Variants in ZNF407 observed in about 807,000 individuals in gnomAD.
ZNF407 encodes the protein zinc finger protein 407.
In ZNF407, 17 loss-of-function variants were observed where a neutral mutation model predicts 131.2. The ratio of observed to expected loss-of-function variants is 0.13; its 90% confidence interval spans 0.09 to 0.19. The LOEUF (loss-of-function observed/expected upper bound fraction) is 0.19. Ranked by LOEUF, ZNF407 falls within the 10% of genes least tolerant of loss-of-function variation. The pLI is 1.00. For missense variants in ZNF407, 2,681 were observed against 2,830.6 expected (o/e 0.95, Z 1.20); for synonymous variants, 1,156 against 1,062.0 (o/e 1.09, Z -1.72).
At chr18:74,870,440 G>C (rs186345979) in intron 4 of ZNF407, among the ~76,000 whole-genome samples, 38 of 152,238 alleles carry the variant, frequency 2.5e-4, no homozygotes, top group African/African-American at 8.2e-4. Context: ...TTCAACTTTC[G>C]TCTTGAAGCC....
intron 7 of ZNF407, among the ~76,000 whole-genome samples, chr18:74,890,319 A>G (rs1442394761): frequency 5.9e-5 from 9 of 152,152 alleles, no homozygotes; most frequent in South Asian, 2.1e-4. Flanking sequence ...CAGGTGGTCT[A>G]TGTGTTACAG....
intron 3 of ZNF407, among the ~76,000 whole-genome samples, chr18:74,752,984 G>A (rs1278616): frequency 0.98 from 149,559 of 152,016 alleles, 73,638 homozygotes; most frequent in Middle Eastern, 1. Context: ...CATTTTCATG[G>A]TATTGATTCT....
chr18:74,762,850 G>T (rs1414257230), intron 3 of ZNF407, among the ~76,000 whole-genome samples: 5 of 151,876 alleles, frequency 3.3e-5, no homozygotes, highest in Admixed American at 1.3e-4. Flanking sequence ...CCTTTCTATA[G>T]ATGTCTGAAT....
intron 3 of ZNF407, among the ~76,000 whole-genome samples, chr18:74,763,432 T>A (rs1279444222): frequency 6.6e-6 from 1 of 151,486 alleles, no homozygotes; most frequent in African/African-American, 2.4e-5. Context: ...AAAATTTCCA[T>A]GTAGTCCAAT....
intron 1 of ZNF407, among the ~76,000 whole-genome samples, chr18:74,607,903 T>C (rs1325625919): frequency 6.6e-6 from 1 of 152,234 alleles, no homozygotes. Flanking sequence ...AGTATCCCAA[T>C]CACAGGCTCT....
chr18:74,858,821 T>A (rs1263185397), intron 4 of ZNF407, among the ~76,000 whole-genome samples: 1 of 152,154 alleles, frequency 6.6e-6, no homozygotes, highest in African/African-American at 2.4e-5. Flanking sequence ...TGAAAGAAAC[T>A]GGAAAAGGAA....
At chr18:74,887,363 A>G (rs1194478100) in intron 6 of ZNF407, among the ~76,000 whole-genome samples, 1 of 152,144 alleles carries the variant, frequency 6.6e-6, no homozygotes, top group East Asian at 1.9e-4. Flanking sequence ...TGTTTGGGGT[A>G]CTATAGATGG....
At chr18:74,763,783 C>A (rs1486202634) in intron 3 of ZNF407, among the ~76,000 whole-genome samples, 2 of 143,488 alleles carry the variant, frequency 1.4e-5, no homozygotes, top group Admixed American at 1.4e-4. Flanking sequence ...GATCTCGGCT[C>A]ACTGCAAGCT....
chr18:74,827,283 C>T (rs917253417), intron 4 of ZNF407, among the ~76,000 whole-genome samples: 8 of 152,146 alleles, frequency 5.3e-5, no homozygotes, highest in African/African-American at 1.9e-4. Flanking sequence ...TGTACTTTCA[C>T]CCACTTGGTT....
intron 8 of ZNF407, among the ~76,000 whole-genome samples, chr18:74,933,384 A>G (rs1820300031): frequency 6.6e-6 from 1 of 152,144 alleles, no homozygotes. Flanking sequence ...AGAAGGTAGA[A>G]TGTTGGGTGC....
rs74815252 is a variant in ZNF407 at position 74,603,028 on chromosome 18, A to G, written c.-54+5091A>G. Among the ~76,000 whole-genome samples the G allele has an allele frequency of 1.3e-3, 200 of 152,228 alleles. 3 individuals carry two copies. The highest frequency in any genetic ancestry group is 8.4e-3 in the Admixed American group (128 of 15,298). ...AGGCTCCCAGGCAGCCCGGCAGATC[A>G]TGGGGCAGTGTAGCATTTGGAAGCA... is the stretch of plus-strand genomic sequence containing the variant. On this transcript the variant is annotated intron_variant, in intron 1 of 8. Coordinates refer to ENST00000299687, the MANE Select transcript of ZNF407 (RefSeq NM_017757.3).
At chr18:74,652,753 C>T (rs2144713411) in intron 3 of ZNF407, among the ~76,000 whole-genome samples, 1 of 151,426 alleles carries the variant, frequency 6.6e-6, no homozygotes, top group East Asian at 1.9e-4. Flanking sequence ...GCAAAACTTT[C>T]CTAAGTCAGA....
chr18:74,732,934 A>T (rs903743016), intron 3 of ZNF407, among the ~76,000 whole-genome samples: 4 of 152,168 alleles, frequency 2.6e-5, no homozygotes, highest in Non-Finnish European at 5.9e-5. Flanking sequence ...TAATCAATTT[A>T]ATTTTCTATA....
In ZNF407 at chr18:74,980,338, G is replaced by A. The variant is rs568267019; in HGVS notation, c.5428+59646G>A. On this transcript the variant is annotated intron_variant, in intron 8 of 8. Transcript: ENST00000299687. ...TTTTTGTTTTTTGAGACGGAGTTTC[G>A]CTCTTGTGGCCCAGGCTGGAGTGCA... is the stretch of plus-strand genomic sequence containing the variant. Among the ~76,000 whole-genome samples the A allele has an allele frequency of 3.3e-5, 5 of 149,858 alleles. No homozygotes were observed. In the East Asian group the frequency reaches 5.9e-4, roughly 18 times the overall value.
At chr18:74,845,652 T>C (rs1970692659) in intron 4 of ZNF407, among the ~76,000 whole-genome samples, 2 of 152,232 alleles carry the variant, frequency 1.3e-5, no homozygotes, top group African/African-American at 4.8e-5. Flanking sequence ...AAGTGAATGC[T>C]GATCTATTTG....
chr18:74,712,217 G>A (rs1293857522), intron 3 of ZNF407, among the ~76,000 whole-genome samples: 1 of 152,130 alleles, frequency 6.6e-6, no homozygotes, highest in Non-Finnish European at 1.5e-5. Flanking sequence ...ATTGTATTTA[G>A]AATTAGAAGT....
intron 4 of ZNF407, among the ~76,000 whole-genome samples, chr18:74,797,098 T>C (rs370549139): frequency 6.6e-6 from 1 of 152,156 alleles, no homozygotes; most frequent in Admixed American, 6.5e-5. Context: ...ACAGTGCATG[T>C]AGTGTCAGGA....
At chr18:74,841,469 A>G (rs551110613) in intron 4 of ZNF407, among the ~76,000 whole-genome samples, 1 of 151,794 alleles carries the variant, frequency 6.6e-6, no homozygotes, top group East Asian at 1.9e-4. Context: ...AAACCTCCTC[A>G]CCCTGCTCTG....
At chr18:75,018,065 A>G (rs1039738133) in intron 8 of ZNF407, among the ~76,000 whole-genome samples, 1 of 152,218 alleles carries the variant, frequency 6.6e-6, no homozygotes, top group African/African-American at 2.4e-5. Context: ...TGTGAATAGT[A>G]TAATTGATAT....
Sources: gnomAD v4.1 joint callset for allele counts (sites outside exome capture counted in the v4.1 genomes callset) on GRCh38, gnomAD v4.1.1 for gene constraint, MANE v1.5 for transcripts, NCBI Gene and HGNC (gene_info 2026-07-23, HGNC 2026-07-21) for gene names.